The following PPFIBP1 variants were observed in gnomAD, a reference collection of about 807,000 sequenced individuals.
The protein encoded by PPFIBP1 is PPFIB scaffold protein 1.
In PPFIBP1, 112 loss-of-function variants were observed where a neutral mutation model predicts 137.8. The ratio of observed to expected loss-of-function variants is 0.81; its 90% confidence interval spans 0.70 to 0.95. The LOEUF (loss-of-function observed/expected upper bound fraction) is 0.95. Ranked by LOEUF, PPFIBP1 falls within the 40% of genes least tolerant of loss-of-function variation. The pLI, the probability that PPFIBP1 is intolerant of heterozygous loss-of-function variation, is 0.00. For synonymous variants in PPFIBP1, 378 were observed against 417.3 expected (o/e 0.91, Z 1.15); for missense variants, 1,083 against 1,196.6 (o/e 0.91, Z 1.40).
At chr12:27,557,931 T>C (rs1380566028) in intron 1 of PPFIBP1, among the ~76,000 whole-genome samples, 1 of 152,228 alleles carries the variant, frequency 6.6e-6, no homozygotes, top group Non-Finnish European at 1.5e-5. Context: ...TAGTTTTGTT[T>C]CCTGATAATC....
chr12:27,638,294 C>G (rs10842960), intron 4 of PPFIBP1, among the ~76,000 whole-genome samples: 89,337 of 151,966 alleles, frequency 0.59, 26,803 homozygotes, highest in Admixed American at 0.65. Context: ...CTAGCAAATT[C>G]CCCCTTCATA....
chr12:27,578,861 G>T (rs1237048755), intron 2 of PPFIBP1, among the ~76,000 whole-genome samples: 1 of 152,222 alleles, frequency 6.6e-6, no homozygotes, highest in African/African-American at 2.4e-5. Context: ...AGGCACCCTT[G>T]CAGGGTAACA....
At chr12:27,685,379 G>A (rs1566015744) in intron 24 of PPFIBP1, among the ~76,000 whole-genome samples, 1 of 151,918 alleles carries the variant, frequency 6.6e-6, no homozygotes, top group African/African-American at 2.4e-5. Context: ...GAGAGGTTGG[G>A]TAACTTGGTA....
intron 2 of PPFIBP1, among the ~76,000 whole-genome samples, chr12:27,584,802 T>C (rs2051529703): frequency 6.6e-6 from 1 of 152,220 alleles, no homozygotes; most frequent in African/African-American, 2.4e-5. Flanking sequence ...ATTTAGAGAA[T>C]GGGAACAACA....
At chr12:27,641,134 G>T (rs1446727147) in intron 4 of PPFIBP1, among the ~76,000 whole-genome samples, 2 of 152,134 alleles carry the variant, frequency 1.3e-5, no homozygotes, top group Non-Finnish European at 2.9e-5. Context: ...TACTAATCCA[G>T]CTATGCTTTA....
At chr12:27,599,473 T>A in intron 2 of PPFIBP1, 2 of 456,034 alleles carry the variant, frequency 4.4e-6, no homozygotes, top group Non-Finnish European at 8.8e-6. Flanking sequence ...TCAGCCTACA[T>A]AAATGCGTGA....
chr12:27,642,386 T>C (rs1163654491), intron 4 of PPFIBP1, among the ~76,000 whole-genome samples: 5 of 152,222 alleles, frequency 3.3e-5, no homozygotes, highest in Non-Finnish European at 7.3e-5. Flanking sequence ...GCTTCTCTAA[T>C]ATGCTGTGGA....
At chr12:27,589,118 G>A (rs2052146733) in intron 2 of PPFIBP1, among the ~76,000 whole-genome samples, 1 of 152,134 alleles carries the variant, frequency 6.6e-6, no homozygotes, top group African/African-American at 2.4e-5. Flanking sequence ...GAAATTGGAG[G>A]TTGTCCTGCA....
chr12:27,687,347 C>T, intron 24 of PPFIBP1, 38 bp from the exon 25 acceptor site: 1 of 1,608,118 alleles, frequency 6.2e-7, no homozygotes, highest in Non-Finnish European at 8.5e-7. Flanking sequence ...CTGCTACAGG[C>T]CAGCACAGTG....
chr12:27,556,883 A>C, intron 1 of PPFIBP1, among the ~76,000 whole-genome samples: 1 of 151,942 alleles, frequency 6.6e-6, no homozygotes, highest in East Asian at 1.9e-4. Context: ...ACATTTGCTC[A>C]AACATATATG....
chr12:27,690,408 T>C (rs1346829983), intron 27 of PPFIBP1, among the ~76,000 whole-genome samples: 1 of 152,216 alleles, frequency 6.6e-6, no homozygotes, highest in East Asian at 1.9e-4. Flanking sequence ...ATCAGACTTT[T>C]AATCTGAGGG....
At chr12:27,690,133 TGAA>T (rs920153152) in intron 27 of PPFIBP1, among the ~76,000 whole-genome samples, 8 of 151,924 alleles carry the variant, frequency 5.3e-5, no homozygotes, top group Non-Finnish European at 1.2e-4. Flanking sequence ...AGTTGACCCT[TGAA>T]GAACATGAGT....
intron 2 of PPFIBP1, among the ~76,000 whole-genome samples, chr12:27,606,773 A>G (rs2054570104): frequency 6.6e-6 from 1 of 152,238 alleles, no homozygotes; most frequent in Non-Finnish European, 1.5e-5. Flanking sequence ...TGAGAACTTC[A>G]TAACCCGCAG....
At chr12:27,655,523 G>T (rs1336932613) in intron 8 of PPFIBP1, among the ~76,000 whole-genome samples, 1 of 152,120 alleles carries the variant, frequency 6.6e-6, no homozygotes, top group Non-Finnish European at 1.5e-5. Context: ...GTAAACATTC[G>T]CTTGTGAAAG....
chr12:27,672,609 G>T, intron 15 of PPFIBP1, 126 bp downstream of exon 15: 1 of 732,936 alleles, frequency 1.4e-6, no homozygotes, highest in Non-Finnish European at 2.3e-6. Flanking sequence ...ATAAATCAAT[G>T]TAGCTATAAT....
intron 1 of PPFIBP1, chr12:27,549,149 G>C (rs1180240971): frequency 6.7e-6 from 1 of 149,464 alleles, no homozygotes; most frequent in Non-Finnish European, 1.5e-5. Flanking sequence ...AGATGAGAAG[G>C]AAATTAATGT....
At chr12:27,681,966 C>A (rs2060900613) in intron 22 of PPFIBP1, among the ~76,000 whole-genome samples, 2 of 148,310 alleles carry the variant, frequency 1.3e-5, no homozygotes, top group Non-Finnish European at 3.0e-5. Flanking sequence ...TTCTCGAAAT[C>A]ATTGTTTGGC....
rs1371838943 is a variant in PPFIBP1 at position 27,570,998 on chromosome 12, A to G, written c.-123-7154A>G. 2.0e-5 allele frequency among the ~76,000 whole-genome samples: 3 copies of G among 152,218 alleles called. No individual in the cohort carries two copies. The East Asian group carries it at 5.8e-4, about 29-fold the overall frequency. ...TCCCCTCCCACATCTCTCTCTAATT[A>G]AAGATGTTACTGGTAGTAGACTGCT... On this transcript the variant is annotated intron_variant, in intron 1 of 29. Transcript: ENST00000228425.
chr12:27,650,144 G>C lies in PPFIBP1; in HGVS notation c.603+3G>C, dbSNP rs775169885. The C allele has an allele frequency of 6.3e-7, 1 of 1,595,934 alleles. No individual in the cohort carries two copies. The highest frequency in any genetic ancestry group is 8.6e-7 in the Non-Finnish European group (1 of 1,164,868). ...AAGATAAGTTCAGAGACACAGAGGT[G>C]AGTGATACAGTCTCTCCTCCCTCTC... On this transcript the variant is annotated splice_donor_region_variant and intron_variant, in intron 7 of 29. Transcript: ENST00000228425.
Sources: allele counts gnomAD v4.1 joint callset (sites outside exome capture counted in the v4.1 genomes callset), GRCh38; gene constraint gnomAD v4.1.1; transcripts MANE v1.5; gene names NCBI Gene and HGNC (gene_info 2026-07-23, HGNC 2026-07-21).